Variants in IGF2BP2 observed in about 807,000 individuals in gnomAD.
The protein encoded by IGF2BP2 is insulin like growth factor 2 mRNA binding protein 2.
A neutral mutation model predicts 75.8 loss-of-function variants in IGF2BP2; 17 were observed. The ratio of observed to expected loss-of-function variants is 0.22; its 90% CI spans 0.15 to 0.34. IGF2BP2 has a LOEUF of 0.34. Among genes scored for constraint, IGF2BP2 ranks in the 10% least tolerant of loss-of-function variants. The pLI is 1.00. For synonymous variants in IGF2BP2, 288 were observed against 295.6 expected (o/e 0.97, Z 0.26); for missense variants, 516 against 772.4 (o/e 0.67, Z 3.93).
At chr3:185,813,299 C>G (rs938955924) in intron 2 of IGF2BP2, among the ~76,000 whole-genome samples, 2 of 152,152 alleles carry the variant, frequency 1.3e-5, no homozygotes, top group African/African-American at 4.8e-5. Context: ...GTATCTTGTT[C>G]TCTATTCCTT....
At chr3:185,656,096 T>C (rs975018151) in intron 12 of IGF2BP2, among the ~76,000 whole-genome samples, 1 of 152,244 alleles carries the variant, frequency 6.6e-6, no homozygotes, top group Admixed American at 6.5e-5. Context: ...GTTGAAACGG[T>C]CCTTTCTCCT....
intron 10 of IGF2BP2, among the ~76,000 whole-genome samples, chr3:185,663,147 G>A (rs1206584417): frequency 2.0e-5 from 3 of 152,246 alleles, no homozygotes; most frequent in African/African-American, 7.2e-5. Flanking sequence ...AAGTCCCTGA[G>A]GGATAGGGAG....
At chr3:185,715,308 T>C (rs1364053295) in intron 2 of IGF2BP2, among the ~76,000 whole-genome samples, 1 of 152,182 alleles carries the variant, frequency 6.6e-6, no homozygotes, top group Non-Finnish European at 1.5e-5. Context: ...GAGAGCAGGC[T>C]GGACAGGCTG....
In IGF2BP2 at chr3:185,692,775, C is replaced by CAAA; in HGVS notation, c.341-16_341-14dup. 6.2e-7 allele frequency: 1 copy of CAAA among 1,612,912 alleles called. No homozygotes were observed. The highest frequency in any genetic ancestry group is 8.5e-7 in the Non-Finnish European group (1 of 1,179,296). On this transcript the variant is annotated splice_polypyrimidine_tract_variant and intron_variant, in intron 4 of 15. Transcript: ENST00000382199. Reference sequence around the variant, plus strand: ...GTGTCTGTGTTGACTAGGGAAAAGGCAAAAACTACACTGTCATAGGAAAAA... The same window carrying CAAA: ...GTGTCTGTGTTGACTAGGGAAAAGGCAAAAAAAACTACACTGTCATAGGAAAAA...
At chr3:185,731,325 C>T (rs920062717) in intron 2 of IGF2BP2, among the ~76,000 whole-genome samples, 3 of 149,942 alleles carry the variant, frequency 2.0e-5, no homozygotes, top group South Asian at 4.2e-4. Flanking sequence ...TGGTTCACTG[C>T]GGCCTCCGCC....
chr3:185,795,514 T>C (rs1737245622), intron 2 of IGF2BP2, among the ~76,000 whole-genome samples: 1 of 152,212 alleles, frequency 6.6e-6, no homozygotes, highest in Admixed American at 6.5e-5. Flanking sequence ...GATCTCACAA[T>C]GTATCAGTGC....
intron 2 of IGF2BP2, among the ~76,000 whole-genome samples, chr3:185,703,933 G>A (rs1024097053): frequency 2.0e-5 from 3 of 152,250 alleles, no homozygotes; most frequent in East Asian, 3.9e-4. Flanking sequence ...GGTCTGACTA[G>A]AGAACAAATT....
At chr3:185,782,661 C>T (rs940305356) in intron 2 of IGF2BP2, among the ~76,000 whole-genome samples, 3 of 152,166 alleles carry the variant, frequency 2.0e-5, no homozygotes, top group Admixed American at 6.5e-5. Context: ...GGAGCGCAGA[C>T]TGTCAATTAA....
Position 185,649,486 on chromosome 3 carries a change from G to A in IGF2BP2, c.1510C>T (p.Pro504Ser), listed in dbSNP as rs779535002. 1.2e-6 allele frequency: 2 copies of A among 1,614,110 alleles called. No individual in the cohort carries two copies. The highest frequency in any genetic ancestry group is 2.2e-5 in the East Asian group (1 of 44,874). The change falls in exon 14 of 16, where the codon CCC becomes TCC. Residue 504 changes from proline (P) to serine (S), a missense_variant. This residue lies in a region of IGF2BP2 where 129 missense variants were observed against 230.5 expected (regional missense o/e 0.56). Transcript: ENST00000382199. ...GCTTCCAGCTTCACTTCTTCTTTGGGGTTAAAGAAGTTTTCCTCTTTCAGT... is the reference window on the plus strand; with the variant it reads ...GCTTCCAGCTTCACTTCTTCTTTGGAGTTAAAGAAGTTTTCCTCTTTCAGT... ...GKLKEENFFN[P>S]KEEVKLEAHI... is the part of the protein sequence containing the mutation.
At chr3:185,664,440 G>C (rs1355869976) in intron 10 of IGF2BP2, among the ~76,000 whole-genome samples, 2 of 152,194 alleles carry the variant, frequency 1.3e-5, no homozygotes. Context: ...CATATATAAA[G>C]AATCACCAGC....
chr3:185,776,089 TAAC>T (rs1362466747), intron 2 of IGF2BP2, among the ~76,000 whole-genome samples: 1 of 151,698 alleles, frequency 6.6e-6, no homozygotes, highest in Non-Finnish European at 1.5e-5. Flanking sequence ...ATAAAAAACT[TAAC>T]AAATTAGCTG....
intron 2 of IGF2BP2, among the ~76,000 whole-genome samples, chr3:185,791,093 T>A (rs754942030): frequency 4.6e-5 from 7 of 152,260 alleles, no homozygotes; most frequent in Non-Finnish European, 1.0e-4. Flanking sequence ...ACCTGGCTAG[T>A]CTAATTATGG....
At chr3:185,736,749 C>T (rs991840506) in intron 2 of IGF2BP2, among the ~76,000 whole-genome samples, 20 of 152,328 alleles carry the variant, frequency 1.3e-4, no homozygotes, top group African/African-American at 4.6e-4. Context: ...TTAGGCTTCA[C>T]GGGCAGTCTC....
At chr3:185,736,469 T>C (rs1404666339) in intron 2 of IGF2BP2, among the ~76,000 whole-genome samples, 2 of 152,206 alleles carry the variant, frequency 1.3e-5, no homozygotes, top group Admixed American at 6.5e-5. Context: ...GACACTGCCA[T>C]GGGTTCGGCT....
chr3:185,756,812 A>G (rs147981816), intron 2 of IGF2BP2, among the ~76,000 whole-genome samples: 1 of 152,132 alleles, frequency 6.6e-6, no homozygotes, highest in Non-Finnish European at 1.5e-5. Context: ...ATCTCTACAA[A>G]ATTAAAACAA....
intron 13 of IGF2BP2, among the ~76,000 whole-genome samples, chr3:185,649,772 T>C (rs1714251654): frequency 6.6e-6 from 1 of 152,222 alleles, no homozygotes; most frequent in South Asian, 2.1e-4. Flanking sequence ...TTTGGTGGTT[T>C]GCACAAGACT....
chr3:185,656,238 G>A (rs542487303), intron 12 of IGF2BP2, among the ~76,000 whole-genome samples: 20 of 152,332 alleles, frequency 1.3e-4, no homozygotes, highest in East Asian at 3.9e-4. Context: ...TGCCTAGGCC[G>A]GGGTCTCACC....
intron 2 of IGF2BP2, among the ~76,000 whole-genome samples, chr3:185,714,504 C>T (rs1195787978): frequency 1.3e-5 from 2 of 152,186 alleles, no homozygotes; most frequent in African/African-American, 2.4e-5. Flanking sequence ...AACATCAACA[C>T]ACAGTGCAAT....
rs1365262007 is a variant in IGF2BP2 at position 185,707,393 on chromosome 3, C to G, written c.240-9046G>C. 2.1e-5 allele frequency among the ~76,000 whole-genome samples: 3 copies of G among 143,726 alleles called. No individual in the cohort carries two copies. The East Asian group carries it at 6.3e-4, about 30-fold the overall frequency. The allele number at this position is 143,726 out of a possible 152,430, so 94.3% of individuals were successfully genotyped here. ...CGCAATCTTGGCTAATCACAACTTC[C>G]CGCCTCCCAGGTTCAAGCTATTTTC... is the stretch of plus-strand genomic sequence containing the variant. On this transcript the variant is annotated intron_variant, in intron 2 of 15. Transcript: ENST00000382199.
Sources: gnomAD v4.1 joint callset for allele counts (sites outside exome capture counted in the v4.1 genomes callset) on GRCh38, gnomAD v4.1.1 for gene constraint, gnomAD v4.1.1 regional missense constraint, MANE v1.5 for transcripts, NCBI Gene and HGNC (gene_info 2026-07-23, HGNC 2026-07-21) for gene names.